The following OCA2 variants were observed in gnomAD, a reference collection of about 807,000 sequenced individuals.
The protein encoded by OCA2 is P protein.
OCA2 carries 77 observed loss-of-function variants against 100.2 expected under a neutral mutation model. The ratio of observed to expected loss-of-function variants is 0.77; its 90% CI spans 0.64 to 0.93. The LOEUF (loss-of-function observed/expected upper bound fraction) is 0.93, where lower values mean the gene tolerates loss of function less well. OCA2 is among the 40% of genes least tolerant of loss of function. The pLI is 0.00. For missense variants in OCA2, 1,062 were observed against 1,089.1 expected (o/e 0.98, Z 0.35); for synonymous variants, 432 against 439.2 (o/e 0.98, Z 0.21).
At chr15:27,784,801 A>G (rs2032721880) in intron 23 of OCA2, among the ~76,000 whole-genome samples, 1 of 152,192 alleles carries the variant, frequency 6.6e-6, no homozygotes, top group African/African-American at 2.4e-5. Context: ...CATGAACAGA[A>G]AAAAACAACC....
intron 19 of OCA2, among the ~76,000 whole-genome samples, chr15:27,905,860 G>A (rs1460884284): frequency 6.6e-6 from 1 of 152,174 alleles, no homozygotes; most frequent in Non-Finnish European, 1.5e-5. Flanking sequence ...AAATAACCAT[G>A]AAGCATGTAG....
intron 21 of OCA2, among the ~76,000 whole-genome samples, chr15:27,870,943 C>T (rs536855406): frequency 3.2e-4 from 49 of 152,036 alleles, no homozygotes; most frequent in East Asian, 1.4e-3. Context: ...GTGCTGTCCA[C>T]GGCAGCTGCA....
chr15:27,971,092 G>A (rs947811744), intron 14 of OCA2, among the ~76,000 whole-genome samples: 1 of 150,542 alleles, frequency 6.6e-6, no homozygotes, highest in African/African-American at 2.5e-5. Context: ...GCCCCAGCAT[G>A]CCCGGCATGG....
Position 27,755,491 on chromosome 15 carries a change from T to C in OCA2, c.2433-19A>G, listed in dbSNP as rs370954296. On this transcript the variant is annotated intron_variant, in intron 23 of 23. Transcript: ENST00000354638. The stretch of plus-strand genomic sequence containing the variant: ...GCCCAGCCTGAAATACAAAGAGAAA[T>C]GAGTTATGGCATCTGAAATCTGGAT... The C allele has an allele frequency of 9.7e-5, 155 of 1,591,422 alleles. No individual in the cohort carries two copies. The highest frequency in any genetic ancestry group is 1.3e-4 in the Non-Finnish European group (149 of 1,159,684).
intron 23 of OCA2, among the ~76,000 whole-genome samples, chr15:27,785,947 C>A (rs1489107365): frequency 6.6e-6 from 1 of 152,188 alleles, no homozygotes; most frequent in Non-Finnish European, 1.5e-5. Context: ...AATGTGAATG[C>A]ACCTCAAAAG....
At chr15:27,804,064 T>C (rs2033724474) in intron 23 of OCA2, among the ~76,000 whole-genome samples, 2 of 152,224 alleles carry the variant, frequency 1.3e-5, no homozygotes, top group South Asian at 4.1e-4. Flanking sequence ...TAAGTATTTG[T>C]AATTTATTGT....
chr15:27,990,558 G>A lies in OCA2; in HGVS notation c.1116+18C>T, dbSNP rs1277588747. The stretch of plus-strand genomic sequence containing the variant: ...CCCACTGAGTGGTAAGCCAGGGATT[G>A]GGACTGTGACAACTTACATCGCCAA... On this transcript the variant is annotated intron_variant, in intron 10 of 23. Coordinates refer to ENST00000354638, the MANE Select transcript of OCA2 (RefSeq NM_000275.3). The A allele has an allele frequency of 3.1e-6, 5 of 1,612,366 alleles. No homozygotes were observed. Among genetic ancestry groups the A allele is most frequent in the Admixed American group, 1.7e-5 (1 of 60,010 alleles).
intron 18 of OCA2, among the ~76,000 whole-genome samples, chr15:27,947,872 C>T (rs2039897273): frequency 6.6e-6 from 1 of 152,188 alleles, no homozygotes; most frequent in African/African-American, 2.4e-5. Context: ...TCCCTCACTC[C>T]TCTTCTCTGG....
chr15:28,000,902 CAAT>C (rs1226317334), intron 9 of OCA2, among the ~76,000 whole-genome samples: 2 of 152,090 alleles, frequency 1.3e-5, no homozygotes, highest in Non-Finnish European at 2.9e-5. Flanking sequence ...ATCAAAAACA[CAAT>C]GAGATATGGC....
chr15:27,770,158 G>A (rs1398722054), intron 23 of OCA2, among the ~76,000 whole-genome samples: 2 of 152,190 alleles, frequency 1.3e-5, no homozygotes, highest in Admixed American at 6.5e-5. Context: ...CTCGGTCCCT[G>A]GAAACAAAGC....
chr15:28,025,008 T>C (rs2042707281), intron 4 of OCA2, 106 bp from the exon 5 acceptor site: 7 of 1,024,890 alleles, frequency 6.8e-6, no homozygotes, highest in Non-Finnish European at 1.1e-5. Flanking sequence ...AAGCATGTGT[T>C]TTGAATTCTT....
chr15:28,058,185 A>G (rs1184557449), intron 2 of OCA2, among the ~76,000 whole-genome samples: 1 of 152,252 alleles, frequency 6.6e-6, no homozygotes, highest in Non-Finnish European at 1.5e-5. Context: ...ATCCACATGC[A>G]TAGCCACTTG....
intron 21 of OCA2, among the ~76,000 whole-genome samples, chr15:27,852,196 T>C (rs540994934): frequency 2.6e-5 from 4 of 152,350 alleles, no homozygotes; most frequent in African/African-American, 9.6e-5. Flanking sequence ...TGTAAGAAAT[T>C]TGTGTTCAAG....
intron 18 of OCA2, among the ~76,000 whole-genome samples, chr15:27,949,021 T>A (rs377587757): frequency 6.6e-6 from 1 of 152,076 alleles, no homozygotes; most frequent in African/African-American, 2.4e-5. Flanking sequence ...TACACAAACC[T>A]ACCTATGTGT....
chr15:27,886,826 T>G (rs1271009440), intron 19 of OCA2, among the ~76,000 whole-genome samples: 1 of 152,138 alleles, frequency 6.6e-6, no homozygotes, highest in African/African-American at 2.4e-5. Flanking sequence ...ACCCTGGGAA[T>G]AAAGCAAGAG....
chr15:28,012,059 A>G (rs541838520), intron 9 of OCA2, among the ~76,000 whole-genome samples: 1 of 152,310 alleles, frequency 6.6e-6, no homozygotes, highest in South Asian at 2.1e-4. Flanking sequence ...CTGTATATCT[A>G]TAATATATAA....
intron 23 of OCA2, among the ~76,000 whole-genome samples, chr15:27,843,046 C>T (rs74673507): frequency 0.21 from 31,875 of 151,314 alleles, 4,144 homozygotes; most frequent in East Asian, 0.56. Flanking sequence ...CCCTAAAAAC[C>T]TTCTTTTTAA....
chr15:27,908,732 G>C (rs2038275014), intron 19 of OCA2, among the ~76,000 whole-genome samples: 1 of 152,172 alleles, frequency 6.6e-6, no homozygotes, highest in African/African-American at 2.4e-5. Context: ...ACATGTGTGT[G>C]ATGTTCCTGC....
chr15:28,004,743 TCA>T (rs908010426), intron 9 of OCA2, among the ~76,000 whole-genome samples: 1 of 151,570 alleles, frequency 6.6e-6, no homozygotes, highest in Non-Finnish European at 1.5e-5. Flanking sequence ...TCACATGCAA[TCA>T]CACACAGACA....
Sources: gnomAD v4.1 joint callset for allele counts (sites outside exome capture counted in the v4.1 genomes callset) on GRCh38, gnomAD v4.1.1 for gene constraint, MANE v1.5 for transcripts, NCBI Gene and HGNC (gene_info 2026-07-23, HGNC 2026-07-21) for gene names.